RYR1: variants seen among roughly 807,000 people sequenced by gnomAD.
The protein encoded by RYR1 is ryanodine receptor 1, also known as central core disease of muscle.
RYR1 carries 342 observed loss-of-function variants against 583.5 expected under a neutral mutation model. That is an observed-to-expected ratio of 0.59 (90% CI 0.54 to 0.64). RYR1 has a LOEUF of 0.64. Among genes scored for constraint, RYR1 ranks in the 30% least tolerant of loss-of-function variants. The probability of loss-of-function intolerance (pLI) is 0.00; values close to 1 mark genes in which losing one functional copy is unlikely to be tolerated. For missense variants in RYR1, 6,032 were observed against 6,917.2 expected (o/e 0.87, Z 4.54); for synonymous variants, 2,791 against 2,822.5 (o/e 0.99, Z 0.35).
intron 39 of RYR1, among the ~76,000 whole-genome samples, chr19:38,495,780 A>AT (rs1416076566): frequency 4.7e-5 from 7 of 148,710 alleles, no homozygotes; most frequent in Non-Finnish European, 9.0e-5. Flanking sequence ...TTTTTTTTTT[A>AT]TTTTTTGAGA....
chr19:38,464,861 A>G, intron 23 of RYR1, 139 bp downstream of exon 23: 1 of 719,182 alleles, frequency 1.4e-6, no homozygotes, highest in Non-Finnish European at 2.5e-6. Context: ...TGAAGGTCAT[A>G]GGGTCAGGGC....
At chr19:38,461,962 G>A (rs1967775483) in intron 20 of RYR1, among the ~76,000 whole-genome samples, 1 of 152,008 alleles carries the variant, frequency 6.6e-6, no homozygotes, top group Admixed American at 6.6e-5. Context: ...GGCTGAGGCA[G>A]GAGAATCACT....
At chr19:38,521,421 C>G (rs1971220204) in intron 67 of RYR1, among the ~76,000 whole-genome samples, 6 of 151,206 alleles carry the variant, frequency 4.0e-5, no homozygotes, top group African/African-American at 1.5e-4. Flanking sequence ...TGACTGTAAT[C>G]CCAGCACTTT....
intron 33 of RYR1, among the ~76,000 whole-genome samples, chr19:38,484,043 G>C (rs922627505): frequency 1.3e-5 from 2 of 152,042 alleles, no homozygotes; most frequent in Non-Finnish European, 2.9e-5. Flanking sequence ...AACTCTGAAC[G>C]TGGCCAGGCA....
At position 38,525,440 on chromosome 19, in the gene RYR1, C is replaced by T. The variant is rs200144997; in HGVS notation, c.10564C>T (p.Leu3522=). The T allele has an allele frequency of 2.5e-6, 4 of 1,613,490 alleles. No homozygotes were observed. Among genetic ancestry groups the T allele is most frequent in the African/African-American group, 2.7e-5 (2 of 74,714 alleles). Residue 3522 remains leucine (L), a synonymous_variant, in exon 71 of 106, where the codon CTG becomes TTG. Transcript: ENST00000359596. Reference sequence around the variant, plus strand: ...ACTGAAGAAGATGCTGCCCATCGGCCTGAATATGTGTGCGCCCACCGACCA... The same window carrying T: ...ACTGAAGAAGATGCTGCCCATCGGCTTGAATATGTGTGCGCCCACCGACCA... ...ATLKKMLPIG[L]NMCAPTDQDL...
At chr19:38,449,195 C>T (rs1296933584) in intron 11 of RYR1, among the ~76,000 whole-genome samples, 2 of 152,024 alleles carry the variant, frequency 1.3e-5, no homozygotes, top group African/African-American at 2.4e-5. Flanking sequence ...CGTGGTGGCT[C>T]ATGCCTGTAA....
chr19:38,564,311 G>T (rs1181677470), intron 90 of RYR1, among the ~76,000 whole-genome samples: 1 of 152,096 alleles, frequency 6.6e-6, no homozygotes, highest in Admixed American at 6.6e-5. Flanking sequence ...ATCACTTGAG[G>T]CCAGGAGTTC....
In RYR1 at chr19:38,468,902, T is replaced by C. The variant is rs1483586183; in HGVS notation, c.3382-64T>C. ...TCTTCATATATCTCTCCCTCCCTGCTTCCTTATCTCTCCATTTCTCTGTGT... is the reference window on the plus strand; with the variant it reads ...TCTTCATATATCTCTCCCTCCCTGCCTCCTTATCTCTCCATTTCTCTGTGT... On this transcript the variant is annotated intron_variant, in intron 25 of 105. Transcript: ENST00000359596. The C allele has an allele frequency of 2.6e-6, 4 of 1,556,084 alleles. No homozygotes were observed. The Admixed American group carries it at 6.8e-5, about 26-fold the overall frequency.
chr19:38,543,136 C>T lies in RYR1; in HGVS notation c.11690-211C>T, dbSNP rs1385123973. Among the ~76,000 whole-genome samples the T allele has an allele frequency of 6.6e-6, 1 of 152,190 alleles. No homozygotes were observed. The highest frequency in any genetic ancestry group is 1.5e-5 in the Non-Finnish European group (1 of 68,040). On this transcript the variant is annotated intron_variant, in intron 84 of 105. Transcript: ENST00000359596. The surrounding 1 kb of genome is among the most constrained non-coding windows in gnomAD (Gnocchi z 4.4). ...GAATTACAGGCGTGAGCCACCCGGC[C>T]AGTATTTTTAGACAAATGAATAAAT...
intron 47 of RYR1, among the ~76,000 whole-genome samples, 163 bp from the exon 48 acceptor site, chr19:38,502,344 G>T (rs1970161184): frequency 6.6e-6 from 1 of 151,936 alleles, no homozygotes; most frequent in African/African-American, 2.4e-5. Flanking sequence ...TGTGGGCATA[G>T]GGGTGTGGGC....
In RYR1 at chr19:38,561,433, C is replaced by T. The variant is rs1273187654; in HGVS notation, c.12603C>T (p.Arg4201=). The T allele has an allele frequency of 5.6e-6, 9 of 1,609,818 alleles. No individual in the cohort carries two copies. The East Asian group carries it at 8.9e-5, about 16-fold the overall frequency. Residue 4201 remains arginine (R), a synonymous_variant, in exon 90 of 106, where the codon CGC becomes CGT. Coordinates refer to ENST00000359596, the MANE Select transcript of RYR1 (RefSeq NM_000540.3). The surrounding 1 kb of genome is among the most constrained non-coding windows in gnomAD (Gnocchi z 4.8). Reference sequence around the variant, plus strand: ...ACTTCGAGATCTCAGAGACCAACCGCGCCCAGTGGGAGATGCCCCAGGTCA... The same window carrying T: ...ACTTCGAGATCTCAGAGACCAACCGTGCCCAGTGGGAGATGCCCCAGGTCA... ...RIYFEISETN[R]AQWEMPQVKE...
intron 87 of RYR1, among the ~76,000 whole-genome samples, chr19:38,545,192 C>T (rs1389408508): frequency 2.0e-5 from 3 of 152,186 alleles, no homozygotes; most frequent in African/African-American, 7.2e-5. Flanking sequence ...GTCATATACC[C>T]ACCTATAGAA....
intron 91 of RYR1, among the ~76,000 whole-genome samples, chr19:38,566,222 GCCGATCA>G (rs1462232951): frequency 6.6e-6 from 1 of 151,910 alleles, no homozygotes; most frequent in East Asian, 1.9e-4. Context: ...GCCGAGGCGG[GCCGATCA>G]CCTGAGGTCA....
intron 97 of RYR1, among the ~76,000 whole-genome samples, chr19:38,576,728 C>T (rs1382385349): frequency 4.0e-5 from 6 of 150,274 alleles, no homozygotes; most frequent in South Asian, 2.1e-4. Context: ...TGAACCCGGG[C>T]GGCAGAGGCT....
chr19:38,582,453 A>G (rs912785768), intron 101 of RYR1, among the ~76,000 whole-genome samples: 2 of 151,838 alleles, frequency 1.3e-5, no homozygotes, highest in African/African-American at 4.8e-5. Flanking sequence ...CCTCAGGATT[A>G]TATAGATGTT....
At position 38,511,649 on chromosome 19, in the gene RYR1, T is replaced by G. The variant is rs755698335; in HGVS notation, c.9172+39T>G. ...CACCTTCGGTCTTCCTCCCTAATCT[T>G]TCTCTTCCCCACCCTGAAGAAATAG... On this transcript the variant is annotated intron_variant, in intron 61 of 105. Coordinates refer to ENST00000359596, the MANE Select transcript of RYR1 (RefSeq NM_000540.3). 38 of 1,605,730 alleles carry G rather than the reference T, an allele frequency of 2.4e-5. 1 individual carries two copies. The South Asian group carries it at 4.2e-4, about 18-fold the overall frequency.
intron 76 of RYR1, among the ~76,000 whole-genome samples, 197 bp from the exon 77 acceptor site, chr19:38,532,293 T>C (rs573567390): frequency 6.6e-6 from 1 of 152,146 alleles, no homozygotes; most frequent in East Asian, 1.9e-4. Flanking sequence ...GGCTAATTTT[T>C]TGTACTTTTA....
intron 42 of RYR1, among the ~76,000 whole-genome samples, chr19:38,497,419 A>G (rs1249888339): frequency 6.6e-6 from 1 of 152,112 alleles, no homozygotes; most frequent in African/African-American, 2.4e-5. Flanking sequence ...GACTTCAGCA[A>G]CTTTGCTTCT....
intron 47 of RYR1, among the ~76,000 whole-genome samples, chr19:38,501,504 AT>A (rs201849474): frequency 0.021 from 3,202 of 152,292 alleles, 119 homozygotes; most frequent in African/African-American, 0.072. Context: ...CTCAAAAAAA[AT>A]ATTTTGTTCG....
Sources: gnomAD v4.1 joint callset for allele counts (sites outside exome capture counted in the v4.1 genomes callset) on GRCh38, gnomAD v4.1.1 for gene constraint, Gnocchi (gnomAD v3.1) non-coding constraint, MANE v1.5 for transcripts, NCBI Gene and HGNC (gene_info 2026-07-23, HGNC 2026-07-21) for gene names.